RIPOR1: variants seen among roughly 807,000 people sequenced by gnomAD.
RIPOR1 encodes rho family-interacting cell polarization regulator 1.
In RIPOR1, 58 loss-of-function variants were observed where a neutral mutation model predicts 116.5. The observed-to-expected ratio is 0.50, with a 90% confidence interval of 0.40 to 0.62. The LOEUF (loss-of-function observed/expected upper bound fraction) is 0.62, where lower values mean the gene tolerates loss of function less well. Ranked by LOEUF, RIPOR1 falls within the 20% of genes least tolerant of loss-of-function variation. RIPOR1 has a pLI of 0.00. For missense variants in RIPOR1, 1,372 were observed against 1,586.2 expected (o/e 0.86, Z 2.29); for synonymous variants, 605 against 650.0 (o/e 0.93, Z 1.05).
chr16:67,541,615 G>C lies in RIPOR1; in HGVS notation c.950+37G>C. On this transcript the variant is annotated intron_variant, in intron 11 of 21. Coordinates refer to ENST00000042381, the MANE Select transcript of RIPOR1 (RefSeq NM_024519.4). The surrounding 1 kb of genome is among the most constrained non-coding windows in gnomAD (Gnocchi z 4.6). ...TGAGAGGCTTGGAGGAGGGCCAGGA[G>C]GGCTGTGGCACCTGCCAACAGCCTC... The C allele has an allele frequency of 6.2e-7, 1 of 1,613,978 alleles. No homozygotes were observed. Among genetic ancestry groups the C allele is most frequent in the Non-Finnish European group, 8.5e-7 (1 of 1,179,928 alleles).
At chr16:67,526,367 G>A (rs181898385), upstream of RIPOR1, among the ~76,000 whole-genome samples, 3 of 152,330 alleles carry the variant, frequency 2.0e-5, no homozygotes, top group East Asian at 5.8e-4. Flanking sequence ...AGATAAGGAG[G>A]TGAGGTCATC....
chr16:67,543,483 G>C lies in RIPOR1; in HGVS notation c.2600+14G>C. 6.5e-7 allele frequency: 1 copy of C among 1,548,736 alleles called. No homozygotes were observed. The highest frequency in any genetic ancestry group is 8.7e-7 in the Non-Finnish European group (1 of 1,147,074). On this transcript the variant is annotated intron_variant, in intron 14 of 21. Coordinates refer to ENST00000042381, the MANE Select transcript of RIPOR1 (RefSeq NM_024519.4). This position sits in a 1 kb window ranked among gnomAD's most constrained non-coding sequence, Gnocchi z 4.7. ...TCCTGGGGACAGGTGAGGGGGCTAG[G>C]CAAGATGGGTGTGAGGCTAGGTGAG...
chr16:67,537,143 G>C lies in RIPOR1; in HGVS notation c.-23-1281G>C, dbSNP rs1264412234. On this transcript the variant is annotated intron_variant, in intron 1 of 21. Coordinates refer to ENST00000042381, the MANE Select transcript of RIPOR1 (RefSeq NM_024519.4). The surrounding 1 kb of genome is among the most constrained non-coding windows in gnomAD (Gnocchi z 4.6). Reference sequence around the variant, plus strand: ...TTGGTCAGGCTGATCTCGAATTCCTGACCTCGTGATCCGCCCGCCTCGGCC... The same window carrying C: ...TTGGTCAGGCTGATCTCGAATTCCTCACCTCGTGATCCGCCCGCCTCGGCC... Among the ~76,000 whole-genome samples, 1 of 152,116 alleles carries C rather than the reference G, an allele frequency of 6.6e-6. No individual in the cohort carries two copies. The highest frequency in any genetic ancestry group is 1.9e-4 in the East Asian group (1 of 5,192).
At chr16:67,521,613 C>T (rs1360568906) in intron 1 of RIPOR1, among the ~76,000 whole-genome samples, 1 of 152,178 alleles carries the variant, frequency 6.6e-6, no homozygotes, top group Non-Finnish European at 1.5e-5. Context: ...CCGCGAGACA[C>T]ACAGTCAATC....
chr16:67,538,419 C>A lies in RIPOR1; in HGVS notation c.-23-5C>A. ...GGTACTGGACACCCCCCCGATCACC[C>A]GCAGGGAGCCCCGCGCGGACTCACT... On this transcript the variant is annotated splice_region_variant and splice_polypyrimidine_tract_variant and intron_variant, in intron 1 of 21. Transcript: ENST00000042381. The A allele has an allele frequency of 6.4e-7, 1 of 1,571,194 alleles. No homozygotes were observed. The highest frequency in any genetic ancestry group is 8.6e-7 in the Non-Finnish European group (1 of 1,158,362).
rs543656331 is a variant in RIPOR1 at position 67,522,582 on chromosome 16, G to A, written c.-24+3969G>A. ...GATCTCTTGACCTCATGATCTGCCC[G>A]CCTCAGCCACCCAAAGTGTTGGGAT... On this transcript the variant is annotated intron_variant, in intron 1 of 1. Transcript: ENST00000562116. Among the ~76,000 whole-genome samples the A allele has an allele frequency of 6.9e-3, 1,045 of 152,032 alleles. 4 individuals are homozygous for A. Among genetic ancestry groups the A allele is most frequent in the Non-Finnish European group, 0.012 (783 of 67,970 alleles).
At chr16:67,525,038 G>A (rs1212527983), upstream of RIPOR1, among the ~76,000 whole-genome samples, 1 of 152,252 alleles carries the variant, frequency 6.6e-6, no homozygotes, top group Non-Finnish European at 1.5e-5. Context: ...CTCTGGTTCA[G>A]CAAAAGAGGC....
chr16:67,530,671 AG>A lies in RIPOR1; in HGVS notation c.-24+1759del, dbSNP rs1457302957. On this transcript the variant is annotated intron_variant, in intron 1 of 21. Transcript: ENST00000042381. This position sits in a 1 kb window ranked among gnomAD's most constrained non-coding sequence, Gnocchi z 4.5. ...CCCGGGTGTGCCAGTCTTGGTGTGT[AG>A]GAAGTATAGCGGGGCTGCAAGATCT... Among the ~76,000 whole-genome samples, 1 of 152,144 alleles carries A rather than the reference AG, an allele frequency of 6.6e-6. No homozygotes were observed. Among genetic ancestry groups the A allele is most frequent in the Non-Finnish European group, 1.5e-5 (1 of 68,004 alleles).
Position 67,538,953 on chromosome 16 carries a change from G to C in RIPOR1, c.258-37G>C, listed in dbSNP as rs368350376. 3.0e-5 allele frequency: 48 copies of C among 1,612,928 alleles called. No homozygotes were observed. The South Asian group carries it at 4.7e-4, about 16-fold the overall frequency. On this transcript the variant is annotated intron_variant, in intron 3 of 21. Coordinates refer to ENST00000042381, the MANE Select transcript of RIPOR1 (RefSeq NM_024519.4). ...GCACCCTGGGCAGCATGAGGCTGGA[G>C]AGCCGAGTTCATTCTTGTGGTCGCC...
rs1453454322 is a variant in RIPOR1 at position 67,544,860 on chromosome 16, A to G, written c.2869+30A>G. 1.9e-6 allele frequency: 3 copies of G among 1,591,764 alleles called. No homozygotes were observed. The highest frequency in any genetic ancestry group is 1.7e-5 in the Admixed American group (1 of 59,252). On this transcript the variant is annotated intron_variant, in intron 16 of 21. Transcript: ENST00000042381. The surrounding 1 kb of genome is among the most constrained non-coding windows in gnomAD (Gnocchi z 5.1). Reference sequence around the variant, plus strand: ...AGGCCCTGGGGGTTCGGGCTCTGCCATCTGCCTTGAAGCTCCTACCTCAGC... The same window carrying G: ...AGGCCCTGGGGGTTCGGGCTCTGCCGTCTGCCTTGAAGCTCCTACCTCAGC...
In RIPOR1 at chr16:67,543,083, C is replaced by A; in HGVS notation, c.2297C>A (p.Ser766Ter). ...CCCCCAACCCCTGCACCCCAGCATT[C>A]AGACCTTTGCCTGGCCATGGCTGTC... ...PSPPTPAPQHSDLCLAMAVQT... is the reference protein window; with the variant it reads ...PSPPTPAPQH The change falls in exon 13 of 22, where the codon TCA (serine) becomes TAA (stop). Residue 766 changes from serine (S) to a stop codon, truncating the protein, a stop_gained. Transcript: ENST00000042381. LOFTEE classifies it high-confidence loss of function. This position sits in a 1 kb window ranked among gnomAD's most constrained non-coding sequence, Gnocchi z 4.7. 6.6e-7 allele frequency: 1 copy of A among 1,522,570 alleles called. No homozygotes were observed. The highest frequency in any genetic ancestry group is 2.3e-5 in the East Asian group (1 of 44,188). 94.3% of individuals were successfully genotyped at this position (1,522,570 alleles called of 1,614,324 possible). A position where few individuals can be genotyped will look rare whatever the true frequency, so the allele number is the denominator to read the frequency against.
Position 67,543,869 on chromosome 16 carries a change from A to T in RIPOR1, c.2600+400A>T. 2.9e-6 allele frequency: 1 copy of T among 348,656 alleles called. No individual in the cohort carries two copies. The highest frequency in any genetic ancestry group is 5.4e-6 in the Non-Finnish European group (1 of 186,262). 21.6% of individuals were successfully genotyped at this position (348,656 alleles called of 1,614,324 possible). Reference sequence around the variant, plus strand: ...CCCCAGCACTGCCCCACTCCTTCTCAACCCCGACTCTCCCAGAGGCCCTGG... The same window carrying T: ...CCCCAGCACTGCCCCACTCCTTCTCTACCCCGACTCTCCCAGAGGCCCTGG... On this transcript the variant is annotated intron_variant, in intron 14 of 21. Transcript: ENST00000042381. This position sits in a 1 kb window ranked among gnomAD's most constrained non-coding sequence, Gnocchi z 4.7.
At position 67,546,733 on chromosome 16, in the gene RIPOR1, T is replaced by C; in HGVS notation, c.*270T>C. The C allele has an allele frequency of 1.8e-6, 1 of 544,842 alleles. No homozygotes were observed. The highest frequency in any genetic ancestry group is 2.3e-5 in the South Asian group (1 of 44,330). The allele number at this position is 544,842 out of a possible 1,614,324, so 33.8% of individuals were successfully genotyped here. On this transcript the variant is annotated 3_prime_UTR_variant, in exon 22 of 22. Transcript: ENST00000042381. ...GCTGCCCAGCCACATCCCTTGGTTT[T>C]GTATTTTATTTACAGAGTTTTACAG...
chr16:67,525,538 C>T (rs571036932), upstream of RIPOR1, among the ~76,000 whole-genome samples: 10 of 152,104 alleles, frequency 6.6e-5, no homozygotes, highest in Middle Eastern at 6.8e-3. Flanking sequence ...AGGGAAGCCG[C>T]GGTTTTTCTG....
chr16:67,545,470 G>A lies in RIPOR1; in HGVS notation c.3126G>A (p.Trp1042Ter). ...PGEQLTVFQF[W>*]SFVETLDSPT... ...AGCAGCTCACAGTCTTCCAGTTCTG[G>A]AGTTTTGTGGAAACCTTGGACAGCC... The change falls in exon 18 of 22, where the codon TGG (tryptophan) becomes TGA (stop). Residue 1042 changes from tryptophan (W) to a stop codon, truncating the protein, a stop_gained. Coordinates refer to ENST00000042381, the MANE Select transcript of RIPOR1 (RefSeq NM_024519.4). LOFTEE classifies it high-confidence loss of function. The surrounding 1 kb of genome is among the most constrained non-coding windows in gnomAD (Gnocchi z 4.8). 2 of 1,614,046 alleles carry A rather than the reference G, an allele frequency of 1.2e-6. No homozygotes were observed. Among genetic ancestry groups the A allele is most frequent in the Non-Finnish European group, 1.7e-6 (2 of 1,180,026 alleles).
chr16:67,528,091 G>A (rs879812510), upstream of RIPOR1, among the ~76,000 whole-genome samples: 5 of 151,980 alleles, frequency 3.3e-5, no homozygotes, highest in Non-Finnish European at 7.4e-5. Context: ...TGGGAGGAGC[G>A]GGGGAGTGGA....
At position 67,543,308 on chromosome 16, in the gene RIPOR1, C is replaced by T. The variant is rs2051054555; in HGVS notation, c.2479-40C>T. ...GGCTAGGGCAACCAGGGAGGGCAGC[C>T]AGGGGGCGGCAGCCGCTCTGATGCC... On this transcript the variant is annotated intron_variant, in intron 13 of 21. Coordinates refer to ENST00000042381, the MANE Select transcript of RIPOR1 (RefSeq NM_024519.4). This position sits in a 1 kb window ranked among gnomAD's most constrained non-coding sequence, Gnocchi z 4.7. The T allele has an allele frequency of 6.2e-7, 1 of 1,606,352 alleles. No individual in the cohort carries two copies.
At position 67,542,228 on chromosome 16, in the gene RIPOR1, C is replaced by T. The variant is rs1353610575; in HGVS notation, c.1442C>T (p.Thr481Ile). 2 of 1,613,562 alleles carry T rather than the reference C, an allele frequency of 1.2e-6. No individual in the cohort carries two copies. Among genetic ancestry groups the T allele is most frequent in the Admixed American group, 1.7e-5 (1 of 59,974 alleles). ...CTAGCCTGGGGACCTAGCCCACCTACACACCCAGCTCCCACCCATGGAGAG... is the reference window on the plus strand; with the variant it reads ...CTAGCCTGGGGACCTAGCCCACCTATACACCCAGCTCCCACCCATGGAGAG... ...ESLAWGPSPP[T>I]HPAPTHGEHP... The change falls in exon 13 of 22, where the codon ACA becomes ATA. Residue 481 changes from threonine (T) to isoleucine (I), a missense_variant. Around this residue, in one of 3 missense-constraint regions of RIPOR1, gnomAD observed 1,005 missense variants for 1,144.7 expected, o/e 0.88. Coordinates refer to ENST00000042381, the MANE Select transcript of RIPOR1 (RefSeq NM_024519.4). The surrounding 1 kb of genome is among the most constrained non-coding windows in gnomAD (Gnocchi z 4.6).
chr16:67,521,124 A>T (rs1029785705), intron 1 of RIPOR1, among the ~76,000 whole-genome samples: 10 of 152,190 alleles, frequency 6.6e-5, no homozygotes, highest in African/African-American at 2.4e-4. Context: ...TGTCACACAG[A>T]ACCGAACAGG....
Sources: allele counts gnomAD v4.1 joint callset (sites outside exome capture counted in the v4.1 genomes callset), GRCh38; gene constraint gnomAD v4.1.1; regional missense constraint gnomAD v4.1.1; non-coding constraint Gnocchi (gnomAD v3.1); transcripts MANE v1.5; gene names NCBI Gene and HGNC (gene_info 2026-07-23, HGNC 2026-07-21).